DOCK4: variants seen among roughly 807,000 people sequenced by gnomAD.
DOCK4 encodes dedicator of cytokinesis 4.
In DOCK4, 97 loss-of-function variants were observed where a neutral mutation model predicts 268.1. The ratio of observed to expected loss-of-function variants is 0.36; its 90% CI spans 0.31 to 0.43. The LOEUF is 0.43. Among genes scored for constraint, DOCK4 ranks in the 20% least tolerant of loss-of-function variants. The probability of loss-of-function intolerance (pLI) is 1.00; values close to 1 mark genes in which losing one functional copy is unlikely to be tolerated. For missense variants in DOCK4, 2,145 were observed against 2,455.7 expected, an observed-to-expected ratio of 0.87 and a Z score of 2.67; for synonymous variants, 954 against 887.2, an observed-to-expected ratio of 1.08 and a Z score of -1.34.
chr7:112,151,635 T>C (rs182237263), intron 1 of DOCK4, among the ~76,000 whole-genome samples: 188 of 152,192 alleles, frequency 1.2e-3, no homozygotes, highest in African/African-American at 3.7e-3. Flanking sequence ...AGGTTAAATC[T>C]GGCAAACATG....
chr7:111,833,735 T>C (rs566685788), intron 26 of DOCK4, among the ~76,000 whole-genome samples: 1 of 152,268 alleles, frequency 6.6e-6, no homozygotes, highest in African/African-American at 2.4e-5. Flanking sequence ...AAGTCAAAGA[T>C]AAGTGACCCC....
intron 25 of DOCK4, among the ~76,000 whole-genome samples, chr7:111,838,334 T>C (rs1363022169): frequency 1.3e-5 from 2 of 152,108 alleles, no homozygotes; most frequent in Non-Finnish European, 2.9e-5. Context: ...ACAATCAAGA[T>C]AGTATGTTAC....
intron 26 of DOCK4, 45 bp downstream of exon 26, chr7:111,834,543 A>G (rs1586128079): frequency 1.4e-6 from 2 of 1,407,514 alleles, no homozygotes; most frequent in South Asian, 2.6e-5. Context: ...AAACAAGATA[A>G]ACCCAAAAGA....
In DOCK4 at chr7:111,728,007, A is replaced by G; in HGVS notation, c.*267T>C. The G allele has an allele frequency of 2.7e-6, 1 of 368,910 alleles. No homozygotes were observed. Among genetic ancestry groups the G allele is most frequent in the Non-Finnish European group, 4.8e-6 (1 of 208,290 alleles). 22.9% of individuals were successfully genotyped at this position (368,910 alleles called of 1,614,324 possible). On this transcript the variant is annotated 3_prime_UTR_variant, in exon 53 of 53. Coordinates refer to ENST00000428084, the MANE Select transcript of DOCK4 (RefSeq NM_001363540.2). Reference sequence around the variant, plus strand: ...ACTATATAAAAAAAAGTGAACATAAAAAGGTACAAAAGGAGTCTTTATCAC... The same window carrying G: ...ACTATATAAAAAAAAGTGAACATAAGAAGGTACAAAAGGAGTCTTTATCAC...
At chr7:111,892,083 T>C (rs2134356185) in intron 16 of DOCK4, among the ~76,000 whole-genome samples, 1 of 152,312 alleles carries the variant, frequency 6.6e-6, no homozygotes, top group African/African-American at 2.4e-5. Context: ...TGTAGCCAAA[T>C]TTACTTGATT....
At position 111,984,159 on chromosome 7, in the gene DOCK4, C is replaced by T; in HGVS notation, c.549+147G>A. Reference sequence around the variant, plus strand: ...TAGTGTCTCAGTACTGTACTGAGGGCATGGTCACCTCAGCTCTCAAGTCTT... The same window carrying T: ...TAGTGTCTCAGTACTGTACTGAGGGTATGGTCACCTCAGCTCTCAAGTCTT... On this transcript the variant is annotated intron_variant, in intron 7 of 52. Coordinates refer to ENST00000428084, the MANE Select transcript of DOCK4 (RefSeq NM_001363540.2). 1.0e-5 allele frequency: 7 copies of T among 667,460 alleles called. No individual in the cohort carries two copies. The South Asian group carries it at 1.3e-4, about 13-fold the overall frequency. 41.3% of individuals were successfully genotyped at this position (667,460 alleles called of 1,614,324 possible). A position where few individuals can be genotyped will look rare whatever the true frequency, so the allele number is the denominator to read the frequency against.
At chr7:112,113,776 T>G (rs925021900) in intron 1 of DOCK4, among the ~76,000 whole-genome samples, 3 of 111,130 alleles carry the variant, frequency 2.7e-5, no homozygotes, top group African/African-American at 1.2e-4. Flanking sequence ...TTTTTTTTTT[T>G]TTGTAGAGAC....
At chr7:111,982,167 T>C (rs1440041827) in intron 7 of DOCK4, among the ~76,000 whole-genome samples, 3 of 152,152 alleles carry the variant, frequency 2.0e-5, no homozygotes, top group Non-Finnish European at 1.5e-5. Context: ...AATGCAAATA[T>C]GATGGCTAGA....
chr7:111,758,906 G>T, intron 40 of DOCK4, 116 bp from the exon 41 acceptor site: 1 of 955,588 alleles, frequency 1.0e-6, no homozygotes, highest in African/African-American at 1.7e-5. Flanking sequence ...TTCCATTTCA[G>T]TTGAAGTCAT....
chr7:111,817,091 C>T (rs1175387038), intron 27 of DOCK4, among the ~76,000 whole-genome samples: 4 of 152,130 alleles, frequency 2.6e-5, no homozygotes. Flanking sequence ...AGGCTTAAAC[C>T]CTAAGAAAGC....
rs35969396 is a variant in DOCK4 at position 111,851,958 on chromosome 7, CT to C, written c.2474-4833del. Among the ~76,000 whole-genome samples the C allele has an allele frequency of 1.8e-3, 224 of 124,936 alleles. 1 individual carries two copies. Among genetic ancestry groups the C allele is most frequent in the East Asian group, 0.017 (78 of 4,672 alleles). 82.0% of individuals were successfully genotyped at this position (124,936 alleles called of 152,430 possible). A position where few individuals can be genotyped will look rare whatever the true frequency, so the allele number is the denominator to read the frequency against. On this transcript the variant is annotated intron_variant, in intron 23 of 52. Transcript: ENST00000428084. ...GCCTCTCTCTCTCTCTCTCTCCTTC[CT>C]TTTTTTTTTTTTTTTTTTTCTTGAG...
chr7:112,052,310 A>T (rs968325835), intron 1 of DOCK4, among the ~76,000 whole-genome samples: 3 of 152,174 alleles, frequency 2.0e-5, no homozygotes, highest in Non-Finnish European at 4.4e-5. Context: ...GTAGCTAGAC[A>T]CACACACATA....
intron 1 of DOCK4, among the ~76,000 whole-genome samples, chr7:112,116,544 C>G (rs746003594): frequency 1.3e-5 from 2 of 152,142 alleles, no homozygotes; most frequent in Non-Finnish European, 2.9e-5. Context: ...AGTGGGGAAA[C>G]CAGAAGAGAA....
intron 3 of DOCK4, among the ~76,000 whole-genome samples, chr7:111,999,451 T>C (rs1800243396): frequency 6.6e-6 from 1 of 152,066 alleles, no homozygotes; most frequent in African/African-American, 2.4e-5. Context: ...TTGAGGTTTA[T>C]TAGAAGTGAC....
chr7:112,070,964 G>A (rs1006726302), intron 1 of DOCK4, among the ~76,000 whole-genome samples: 8 of 152,230 alleles, frequency 5.3e-5, no homozygotes, highest in South Asian at 2.1e-4. Flanking sequence ...ATTCAGCTAC[G>A]ACCTCTTTCT....
At position 111,736,780 on chromosome 7, in the gene DOCK4, T is replaced by C. The variant is rs910107340; in HGVS notation, c.5305+137A>G. On this transcript the variant is annotated intron_variant, in intron 50 of 52. Coordinates refer to ENST00000428084, the MANE Select transcript of DOCK4 (RefSeq NM_001363540.2). The stretch of plus-strand genomic sequence containing the variant: ...ATCATGAATAACTGTCTTTCATTAA[T>C]CCCTTAAAGAGCATACTAGTCCTGA... The C allele has an allele frequency of 9.1e-6, 7 of 765,362 alleles. 1 individual carries two copies. The East Asian group carries it at 1.6e-4, about 18-fold the overall frequency. 47.4% of individuals were successfully genotyped at this position (765,362 alleles called of 1,614,324 possible).
intron 2 of DOCK4, among the ~76,000 whole-genome samples, chr7:112,000,988 G>A (rs1035588437): frequency 6.6e-6 from 1 of 152,286 alleles, no homozygotes; most frequent in East Asian, 1.9e-4. Context: ...ACAAACGCCA[G>A]ACTCTGCCAC....
At chr7:111,770,024 C>A (rs997441264) in intron 36 of DOCK4, among the ~76,000 whole-genome samples, 1 of 151,840 alleles carries the variant, frequency 6.6e-6, no homozygotes, top group Non-Finnish European at 1.5e-5. Flanking sequence ...GGGAGACAGG[C>A]CTTTGTTTGC....
intron 42 of DOCK4, among the ~76,000 whole-genome samples, chr7:111,748,557 C>A (rs1213470925): frequency 6.6e-6 from 1 of 152,110 alleles, no homozygotes; most frequent in East Asian, 1.9e-4. Flanking sequence ...AAAAATACTG[C>A]TACAATAACA....
Sources: allele counts gnomAD v4.1 joint callset (sites outside exome capture counted in the v4.1 genomes callset), GRCh38; gene constraint gnomAD v4.1.1; transcripts MANE v1.5; gene names NCBI Gene and HGNC (gene_info 2026-07-23, HGNC 2026-07-21).